Variants in SEC23B observed in about 807,000 individuals in gnomAD.
The protein encoded by SEC23B is protein transport protein Sec23B.
In SEC23B, 77 loss-of-function variants were observed where a neutral mutation model predicts 104.3. The ratio of observed to expected loss-of-function variants is 0.74; its 90% CI spans 0.61 to 0.89. The LOEUF (loss-of-function observed/expected upper bound fraction) is 0.89. SEC23B is among the 40% of genes least tolerant of loss of function. The pLI, the probability that SEC23B is intolerant of heterozygous loss-of-function variation, is 0.00. For synonymous variants in SEC23B, 338 were observed against 332.5 expected, an observed-to-expected ratio of 1.02 and a Z score of -0.18; for missense variants, 885 against 949.4, an observed-to-expected ratio of 0.93 and a Z score of 0.89.
intron 12 of SEC23B, among the ~76,000 whole-genome samples, chr20:18,539,698 G>A (rs1435913854): frequency 2.8e-5 from 4 of 143,430 alleles, no homozygotes; most frequent in Non-Finnish European, 4.5e-5. Context: ...AGGCTGGAGT[G>A]CAGTGGCACC....
chr20:18,508,909 CG>C, intron 1 of SEC23B, among the ~76,000 whole-genome samples: 1 of 151,992 alleles, frequency 6.6e-6, no homozygotes, highest in Non-Finnish European at 1.5e-5. Context: ...TTAGTAGAGA[CG>C]GGGTTTTGCC....
At chr20:18,524,848 A>G in intron 5 of SEC23B, 87 bp from the exon 6 acceptor site, 1 of 1,455,510 alleles carries the variant, frequency 6.9e-7, no homozygotes, top group South Asian at 1.2e-5. Flanking sequence ...ACATGCCACC[A>G]CACCCAGCTG....
intron 12 of SEC23B, among the ~76,000 whole-genome samples, chr20:18,540,030 T>TTATC (rs3079187): frequency 0.99 from 150,926 of 152,208 alleles, 74,842 homozygotes; most frequent in Non-Finnish European, 1. Flanking sequence ...CCCCTCAAAA[T>TTATC]TATAAGAACT....
At chr20:18,523,648 G>A (rs895050697) in intron 4 of SEC23B, among the ~76,000 whole-genome samples, 13 of 150,810 alleles carry the variant, frequency 8.6e-5, no homozygotes, top group South Asian at 2.1e-4. Flanking sequence ...TGATCCACCT[G>A]TCTTGGCCTC....
intron 13 of SEC23B, 112 bp from the exon 14 acceptor site, chr20:18,542,907 G>T: frequency 7.2e-7 from 1 of 1,379,914 alleles, no homozygotes. Context: ...CCAAAGTGTT[G>T]GGATTTCAGG....
intron 15 of SEC23B, 99 bp downstream of exon 15, chr20:18,546,132 G>T: frequency 1.3e-6 from 1 of 770,100 alleles, no homozygotes; most frequent in Non-Finnish European, 2.3e-6. Flanking sequence ...AATGTGTTGA[G>T]ACTCAGTCTG....
intron 14 of SEC23B, among the ~76,000 whole-genome samples, chr20:18,544,282 G>T (rs908734617): frequency 6.9e-6 from 1 of 144,022 alleles, no homozygotes; most frequent in Admixed American, 6.9e-5. Context: ...ATTTGCCCTT[G>T]CCATCTCATG....
intron 1 of SEC23B, among the ~76,000 whole-genome samples, chr20:18,510,420 G>T (rs1005761245): frequency 6.6e-6 from 1 of 152,224 alleles, no homozygotes; most frequent in Non-Finnish European, 1.5e-5. Context: ...AGATGGAAAA[G>T]AAATACTGTC....
chr20:18,510,760 T>C lies in SEC23B; in HGVS notation c.-14-62T>C, dbSNP rs1282590098. On this transcript the variant is annotated intron_variant, in intron 1 of 19. Transcript: ENST00000650089. ...ACACTGTGTTACATGACCCATCTTC[T>C]TTTTTTGACATTTAGTTCAGAATTT... 2.3e-6 allele frequency: 3 copies of C among 1,324,948 alleles called. No homozygotes were observed. The East Asian group carries it at 6.9e-5, about 31-fold the overall frequency. The allele number at this position is 1,324,948 out of a possible 1,614,324, so 82.1% of individuals were successfully genotyped here. A position where few individuals can be genotyped will look rare whatever the true frequency, so the allele number is the denominator to read the frequency against.
chr20:18,554,293 A>G lies in SEC23B; in HGVS notation c.2051A>G (p.Lys684Arg), dbSNP rs778795684. The change falls in exon 18 of 20, where the codon AAG (lysine) becomes AGG (arginine). Residue 684 changes from lysine (K) to arginine (R), a missense_variant. By Grantham distance (26) the Lys-to-Arg change is conservative. Coordinates refer to ENST00000650089, the MANE Select transcript of SEC23B (RefSeq NM_006363.6). ...YQDMPEYENF[K>R]HLLQAPLDDA... ...GACATGCCCGAGTATGAAAACTTCA[A>G]GCACCTTCTGCAGGCACCACTGGAT... The G allele has an allele frequency of 1.5e-5, 25 of 1,614,204 alleles. No individual in the cohort carries two copies. The highest frequency in any genetic ancestry group is 4.0e-5 in the African/African-American group (3 of 75,054).
chr20:18,525,001 C>A lies in SEC23B; in HGVS notation c.670C>A (p.His224Asn). Reference sequence around the variant, plus strand: ...AGCACGACCTGCACAACCACAGGAGCACCCTTTTGCTTCAAGCAGGTGAGA... The same window carrying A: ...AGCACGACCTGCACAACCACAGGAGAACCCTTTTGCTTCAAGCAGGTGAGA... ...QQARPAQPQEHPFASSRFLQP... is the reference protein window; with the variant it reads ...QQARPAQPQENPFASSRFLQP... The change falls in exon 6 of 20, where the codon CAC becomes AAC. Residue 224 changes from histidine to asparagine, a missense_variant. Physicochemically the swap from His to Asn is moderately conservative, Grantham distance 68. Transcript: ENST00000650089. 1 of 1,614,028 alleles carries A rather than the reference C, an allele frequency of 6.2e-7. No homozygotes were observed. The highest frequency in any genetic ancestry group is 1.1e-5 in the South Asian group (1 of 91,082).
intron 2 of SEC23B, 109 bp from the exon 3 acceptor site, chr20:18,512,099 AGAAACACTTACTTGTGT>A: frequency 1.5e-6 from 1 of 648,756 alleles, no homozygotes; most frequent in Non-Finnish European, 2.7e-6. Context: ...GCATACACAT[AGAAACACTTACTTGTGT>A]GATTTACTGA....
At chr20:18,528,395 C>T (rs895810896) in intron 9 of SEC23B, among the ~76,000 whole-genome samples, 7 of 152,246 alleles carry the variant, frequency 4.6e-5, no homozygotes, top group Non-Finnish European at 1.0e-4. Context: ...TTAAAAGTTT[C>T]TCCCGTGATT....
At chr20:18,513,089 C>A (rs2059995080) in intron 3 of SEC23B, among the ~76,000 whole-genome samples, 1 of 152,128 alleles carries the variant, frequency 6.6e-6, no homozygotes, top group Non-Finnish European at 1.5e-5. Context: ...GAGGCTGAGG[C>A]AGGTGAATCG....
rs150393520 is a variant in SEC23B, at chr20:18,512,147, C to T, written c.222-78C>T. 1.5e-4 allele frequency: 131 copies of T among 871,102 alleles called. 1 individual carries two copies. Among genetic ancestry groups the T allele is most frequent in the Middle Eastern group, 7.0e-4 (2 of 2,872 alleles). 54.0% of individuals were successfully genotyped at this position (871,102 alleles called of 1,614,324 possible). On this transcript the variant is annotated intron_variant, in intron 2 of 19. Transcript: ENST00000650089. Reference sequence around the variant, plus strand: ...ACTGAACTTGAAATTTACAAATGAACGCTTTCTACCTTAAAAATAAAAATT... The same window carrying T: ...ACTGAACTTGAAATTTACAAATGAATGCTTTCTACCTTAAAAATAAAAATT...
chr20:18,557,068 GCT>G (rs1475785918), intron 19 of SEC23B, among the ~76,000 whole-genome samples: 2 of 152,172 alleles, frequency 1.3e-5, no homozygotes, highest in Non-Finnish European at 1.5e-5. Flanking sequence ...ACTCTGCTGA[GCT>G]CTCTTACTTG....
chr20:18,548,707 G>T lies in SEC23B; in HGVS notation c.1842G>T (p.Leu614=). The T allele has an allele frequency of 6.2e-7, 1 of 1,614,158 alleles. No homozygotes were observed. Among genetic ancestry groups the T allele is most frequent in the Non-Finnish European group, 8.5e-7 (1 of 1,180,026 alleles). Residue 614 remains leucine (L), a synonymous_variant, in exon 16 of 20, where the codon CTG becomes CTT. Transcript: ENST00000650089. ...GACATCATTTTGCCCGGCAGGACCT[G>T]ACCCAGTCCCTCATCATGATCCAGC... is the stretch of plus-strand genomic sequence containing the variant. The part of the protein sequence containing the change: ...YYRHHFARQD[L]TQSLIMIQPI...
At chr20:18,510,674 G>C in intron 1 of SEC23B, 148 bp from the exon 2 acceptor site, 1 of 663,662 alleles carries the variant, frequency 1.5e-6, no homozygotes. Context: ...GCTGTGGCAG[G>C]AGAATCGCTT....
At chr20:18,526,639 C>T (rs528090086) in intron 8 of SEC23B, 108 bp downstream of exon 8, 51 of 1,186,236 alleles carry the variant, frequency 4.3e-5, no homozygotes, top group Middle Eastern at 3.8e-4. Context: ...GTCAGCAAGA[C>T]GCTGTTTCAG....
Sources: gnomAD v4.1 joint callset for allele counts (sites outside exome capture counted in the v4.1 genomes callset) on GRCh38, gnomAD v4.1.1 for gene constraint, MANE v1.5 for transcripts, NCBI Gene and HGNC (gene_info 2026-07-23, HGNC 2026-07-21) for gene names.